MUC15: variants seen among roughly 807,000 people sequenced by gnomAD.
MUC15 encodes mucin-15.
A neutral mutation model predicts 24.0 loss-of-function variants in MUC15; 23 were observed. That is an observed-to-expected ratio of 0.96 (90% confidence interval 0.69 to 1.36). The LOEUF (loss-of-function observed/expected upper bound fraction) is 1.36. Ranked by LOEUF, MUC15 falls within the 40% of genes most tolerant of loss-of-function variation. MUC15 has a pLI of 0.00. For synonymous variants in MUC15, 151 were observed against 156.3 expected, an observed-to-expected ratio of 0.97 and a Z score of 0.25; for missense variants, 442 against 428.2, an observed-to-expected ratio of 1.03 and a Z score of -0.29.
At position 26,560,124 on chromosome 11, in the gene MUC15, A is replaced by T. The variant is rs1320601574; in HGVS notation, c.*941T>A. ...ATTATGAAACTGATGCTCAGTAAAA[A>T]GTTGTTTGATATTTCCATTCATCTT... On this transcript the variant is annotated 3_prime_UTR_variant, in exon 5 of 5. Coordinates refer to ENST00000529533, the MANE Select transcript of MUC15 (RefSeq NM_001135091.2). 1 of 202,068 alleles carries T rather than the reference A, an allele frequency of 4.9e-6. No homozygotes were observed. Among genetic ancestry groups the T allele is most frequent in the Non-Finnish European group, 1.0e-5 (1 of 100,148 alleles). The allele number at this position is 202,068 out of a possible 1,614,324, so 12.5% of individuals were successfully genotyped here. A position where few individuals can be genotyped will look rare whatever the true frequency, so the allele number is the denominator to read the frequency against.
Position 26,559,787 on chromosome 11 carries a change from CT to C in MUC15, c.*1277del. On this transcript the variant is annotated 3_prime_UTR_variant, in exon 5 of 5. Coordinates refer to ENST00000529533, the MANE Select transcript of MUC15 (RefSeq NM_001135091.2). ...TTTTTATGGCAATATGGGGTAAGTA[CT>C]TTCTTCATTACTTTCTATCCCTTAT... The C allele has an allele frequency of 6.3e-7, 1 of 1,592,004 alleles. No homozygotes were observed. Among genetic ancestry groups the C allele is most frequent in the Non-Finnish European group, 8.6e-7 (1 of 1,162,214 alleles).
intron 4 of MUC15, among the ~76,000 whole-genome samples, chr11:26,561,498 C>A (rs969919935): frequency 6.6e-6 from 1 of 151,922 alleles, no homozygotes; most frequent in South Asian, 2.1e-4. Context: ...TATATCAATA[C>A]CTTGCATAAA....
At chr11:26,564,682 CTCATATATAT>C (rs1444416042) in intron 3 of MUC15, among the ~76,000 whole-genome samples, 1 of 113,134 alleles carries the variant, frequency 8.8e-6, no homozygotes, top group Non-Finnish European at 1.8e-5. Flanking sequence ...TATATATATA[CTCATATATAT>C]ACACACACAC....
At chr11:26,569,026 A>G (rs1255325436) in intron 1 of MUC15, among the ~76,000 whole-genome samples, 2 of 151,918 alleles carry the variant, frequency 1.3e-5, no homozygotes, top group Non-Finnish European at 2.9e-5. Flanking sequence ...AAATGTCCTT[A>G]GCTGTTCTTC....
rs1258556353 is a variant in MUC15 at position 26,572,060 on chromosome 11, TTACAA to T, written c.-70_-66del. The T allele has an allele frequency of 6.1e-6, 6 of 985,088 alleles. No individual in the cohort carries two copies. The East Asian group carries it at 5.7e-4, about 93-fold the overall frequency. 61.0% of individuals were successfully genotyped at this position (985,088 alleles called of 1,614,324 possible). A position where few individuals can be genotyped will look rare whatever the true frequency, so the allele number is the denominator to read the frequency against. On this transcript the variant is annotated 5_prime_UTR_variant, in exon 1 of 5. The change abolishes the stop of an existing upstream ORF in the 5' untranslated region. Coordinates refer to ENST00000529533, the MANE Select transcript of MUC15 (RefSeq NM_001135091.2). ...ACTTACCTTCAGGCTTAGGAGGTAT[TTACAA>T]TCAGGAACTGAAATATCACAGTTGT...
In MUC15 at chr11:26,567,146, A is replaced by G; in HGVS notation, c.-45-7T>C. 7.2e-7 allele frequency: 1 copy of G among 1,395,114 alleles called. No individual in the cohort carries two copies. Among genetic ancestry groups the G allele is most frequent in the Non-Finnish European group, 9.4e-7 (1 of 1,063,128 alleles). The allele number at this position is 1,395,114 out of a possible 1,614,324, so 86.4% of individuals were successfully genotyped here. A position where few individuals can be genotyped will look rare whatever the true frequency, so the allele number is the denominator to read the frequency against. The stretch of plus-strand genomic sequence containing the variant: ...CAATGGCTAGTAACAGAAGCTGGAA[A>G]ATGGAAGAGGCAATATTTAAAGCCA... On this transcript the variant is annotated splice_region_variant and splice_polypyrimidine_tract_variant and intron_variant, in intron 1 of 4. Transcript: ENST00000529533.
rs550164118 is a variant in MUC15, at chr11:26,566,282, C to A, written c.44-386G>T. On this transcript the variant is annotated intron_variant, in intron 2 of 4. Transcript: ENST00000529533. Reference sequence around the variant, plus strand: ...ATTTTAAAAATATTGTAAATATAGACCATGTAGAGCTGGCTGATTTCTTCA... The same window carrying A: ...ATTTTAAAAATATTGTAAATATAGAACATGTAGAGCTGGCTGATTTCTTCA... Among the ~76,000 whole-genome samples, 19 of 151,962 alleles carry A rather than the reference C, an allele frequency of 1.3e-4. No homozygotes were observed. The South Asian group carries it at 3.1e-3, about 25-fold the overall frequency.
chr11:26,563,082 T>C (rs1850357435), intron 4 of MUC15, 34 bp downstream of exon 4: 2 of 1,604,426 alleles, frequency 1.2e-6, no homozygotes, highest in Non-Finnish European at 1.7e-6. Flanking sequence ...TTAAAACCAC[T>C]GTGCCCAGGT....
rs543626001 is a variant in MUC15, at chr11:26,560,078, A to G, written c.*987T>C. 1.7e-4 allele frequency: 48 copies of G among 279,130 alleles called. No individual in the cohort carries two copies. Among genetic ancestry groups the G allele is most frequent in the African/African-American group, 1.0e-3 (46 of 45,958 alleles). The allele number at this position is 279,130 out of a possible 1,614,324, so 17.3% of individuals were successfully genotyped here. A position where few individuals can be genotyped will look rare whatever the true frequency, so the allele number is the denominator to read the frequency against. ...CAAACTGAAACATACTAGAATCCAA[A>G]TTAATCTTCTTATATTATTGATTAT... On this transcript the variant is annotated 3_prime_UTR_variant, in exon 5 of 5. Coordinates refer to ENST00000529533, the MANE Select transcript of MUC15 (RefSeq NM_001135091.2).
chr11:26,569,084 T>C (rs1032800420), intron 1 of MUC15, among the ~76,000 whole-genome samples: 4 of 151,422 alleles, frequency 2.6e-5, no homozygotes, highest in Non-Finnish European at 5.9e-5. Flanking sequence ...GAGCTTTCAT[T>C]ACCTGCCTGT....
At chr11:26,566,768 A>C (rs1850603313) in intron 2 of MUC15, among the ~76,000 whole-genome samples, 1 of 150,678 alleles carries the variant, frequency 6.6e-6, no homozygotes, top group African/African-American at 2.4e-5. Flanking sequence ...ATATAGGAAA[A>C]TGTTTTGAAA....
intron 1 of MUC15, among the ~76,000 whole-genome samples, chr11:26,569,060 A>G (rs1400770180): frequency 6.6e-6 from 1 of 152,014 alleles, no homozygotes; most frequent in Admixed American, 6.6e-5. Context: ...ATATTATGTG[A>G]GAGACATGGC....
intron 1 of MUC15, among the ~76,000 whole-genome samples, chr11:26,567,570 G>A (rs368481039): frequency 6.6e-6 from 1 of 151,966 alleles, no homozygotes; most frequent in Non-Finnish European, 1.5e-5. Context: ...TATAATATAT[G>A]TTAGTTATCT....
At chr11:26,561,933 A>G in intron 4 of MUC15, among the ~76,000 whole-genome samples, 1 of 151,858 alleles carries the variant, frequency 6.6e-6, no homozygotes, top group South Asian at 2.1e-4. Flanking sequence ...AGGTATCATC[A>G]TTTGCTTATC....
At chr11:26,569,540 C>A (rs1364687255) in intron 1 of MUC15, among the ~76,000 whole-genome samples, 1 of 151,954 alleles carries the variant, frequency 6.6e-6, no homozygotes, top group Non-Finnish European at 1.5e-5. Flanking sequence ...ATTCAGAACC[C>A]CACCATGAAA....
In MUC15 at chr11:26,562,211, G is replaced by A. The variant is rs190266314; in HGVS notation, c.925+905C>T. On this transcript the variant is annotated intron_variant, in intron 4 of 4. Coordinates refer to ENST00000529533, the MANE Select transcript of MUC15 (RefSeq NM_001135091.2). ...CCTATCCTTTAATTTTTGAAGAATG[G>A]TACTTTTTGTTTTGTATTAGTTCCT... is the stretch of plus-strand genomic sequence containing the variant. 1.8e-3 allele frequency among the ~76,000 whole-genome samples: 272 copies of A among 151,748 alleles called. 3 individuals are homozygous for A. The highest frequency in any genetic ancestry group is 7.5e-4 in the Non-Finnish European group (51 of 67,850).
chr11:26,570,021 A>G (rs1850757747), intron 1 of MUC15, among the ~76,000 whole-genome samples: 2 of 152,104 alleles, frequency 1.3e-5, no homozygotes, highest in African/African-American at 4.8e-5. Context: ...ACAAACTCGA[A>G]AACCTTCTAA....
At chr11:26,564,330 C>A (rs564478470) in intron 3 of MUC15, among the ~76,000 whole-genome samples, 39 of 151,538 alleles carry the variant, frequency 2.6e-4, no homozygotes, top group South Asian at 2.3e-3. Context: ...CTGGCAACAA[C>A]ATTCAAACAG....
chr11:26,570,553 T>G (rs999101396), intron 1 of MUC15, among the ~76,000 whole-genome samples: 11 of 152,076 alleles, frequency 7.2e-5, no homozygotes, highest in African/African-American at 2.4e-4. Flanking sequence ...AAATCAGAAA[T>G]TCTAAATAGA....
Sources: allele counts gnomAD v4.1 joint callset (sites outside exome capture counted in the v4.1 genomes callset), GRCh38; gene constraint gnomAD v4.1.1; transcripts MANE v1.5; gene names NCBI Gene and HGNC (gene_info 2026-07-23, HGNC 2026-07-21).